The following TNKS variants were observed in gnomAD, a reference collection of about 807,000 sequenced individuals.
The protein encoded by TNKS is poly [ADP-ribose] polymerase tankyrase-1.
Under a neutral mutation model 135.8 loss-of-function variants are expected in TNKS, and 72 were observed. The ratio of observed to expected loss-of-function variants is 0.53; its 90% CI spans 0.44 to 0.64. The LOEUF (loss-of-function observed/expected upper bound fraction) is 0.64, where lower values mean the gene tolerates loss of function less well. TNKS is among the 30% of genes least tolerant of loss of function. TNKS has a pLI of 0.00. For missense variants in TNKS, 1,769 were observed against 1,674.0 expected (o/e 1.06, Z -0.99); for synonymous variants, 849 against 649.3 (o/e 1.31, Z -4.68).
intron 5 of TNKS, among the ~76,000 whole-genome samples, chr8:9,700,553 A>T (rs1227636162): frequency 6.6e-6 from 1 of 152,050 alleles, no homozygotes; most frequent in Non-Finnish European, 1.5e-5. Context: ...CTTTAAATTC[A>T]GTAAACCCAG....
chr8:9,610,374 TATA>T (rs1388611379), intron 2 of TNKS, among the ~76,000 whole-genome samples: 1 of 151,562 alleles, frequency 6.6e-6, no homozygotes, highest in African/African-American at 2.4e-5. Flanking sequence ...TACTGTATAA[TATA>T]ATGGCATAGT....
chr8:9,614,669 C>A (rs770746915), intron 2 of TNKS, among the ~76,000 whole-genome samples: 6 of 152,136 alleles, frequency 3.9e-5, no homozygotes, highest in Non-Finnish European at 8.8e-5. Context: ...TCATAACTTA[C>A]AATTGAATTT....
intron 25 of TNKS, among the ~76,000 whole-genome samples, chr8:9,766,875 C>T (rs1008686044): frequency 6.6e-6 from 1 of 152,140 alleles, no homozygotes; most frequent in Non-Finnish European, 1.5e-5. Flanking sequence ...TGGGTGGGAA[C>T]AGCTGATCAG....
intron 1 of TNKS, among the ~76,000 whole-genome samples, chr8:9,578,547 T>C (rs967702533): frequency 6.6e-6 from 1 of 152,214 alleles, no homozygotes; most frequent in Non-Finnish European, 1.5e-5. Context: ...TGGAAATGTA[T>C]GCTTTACTTT....
chr8:9,637,076 A>T (rs1401871378), intron 3 of TNKS, among the ~76,000 whole-genome samples: 3 of 152,194 alleles, frequency 2.0e-5, no homozygotes, highest in African/African-American at 7.2e-5. Context: ...ATATGCTCAA[A>T]TTTTTTTGAA....
intron 2 of TNKS, among the ~76,000 whole-genome samples, chr8:9,600,301 A>G (rs1798965187): frequency 6.6e-6 from 1 of 152,112 alleles, no homozygotes; most frequent in South Asian, 2.1e-4. Flanking sequence ...TGAACTTTTA[A>G]GAATTTTAAT....
At position 9,776,720 on chromosome 8, in the gene TNKS, C is replaced by CA; in HGVS notation, c.3969dup (p.Glu1324ArgfsTer11). The CA allele has an allele frequency of 6.2e-7, 1 of 1,613,974 alleles. No individual in the cohort carries two copies. Among genetic ancestry groups the CA allele is most frequent in the Non-Finnish European group, 8.5e-7 (1 of 1,179,904 alleles). ...GCCCCTTCCCAGACCGCAACAGCCG[C>CA]AGAGCAGAAGACCTAGTGAATGCCT... On this transcript the variant is annotated frameshift_variant, in exon 27 of 27. Coordinates refer to ENST00000310430, the MANE Select transcript of TNKS (RefSeq NM_003747.3). LOFTEE classifies it high-confidence loss of function.
At chr8:9,596,795 G>C (rs1269668111) in intron 2 of TNKS, among the ~76,000 whole-genome samples, 1 of 152,220 alleles carries the variant, frequency 6.6e-6, no homozygotes, top group Non-Finnish European at 1.5e-5. Context: ...GCCTGTTTAT[G>C]ACACAGGTTT....
chr8:9,556,708 G>C, intron 1 of TNKS, 96 bp downstream of exon 1: 1 of 1,440,066 alleles, frequency 6.9e-7, no homozygotes, highest in Non-Finnish European at 9.6e-7. Flanking sequence ...GACAAAGTGG[G>C]GGCGTGGTTA....
intron 2 of TNKS, among the ~76,000 whole-genome samples, chr8:9,600,266 G>T (rs1476115922): frequency 6.6e-6 from 1 of 152,160 alleles, no homozygotes; most frequent in African/African-American, 2.4e-5. Flanking sequence ...TGCCATGGCA[G>T]ACTTTGTAGT....
At position 9,757,905 on chromosome 8, in the gene TNKS, A is replaced by G. The variant is rs112351804; in HGVS notation, c.3154-3611A>G. Among the ~76,000 whole-genome samples, 1,017 of 152,312 alleles carry G rather than the reference A, an allele frequency of 6.7e-3. 2 individuals are homozygous for G. The highest frequency in any genetic ancestry group is 9.6e-3 in the Non-Finnish European group (650 of 68,022). On this transcript the variant is annotated intron_variant, in intron 20 of 26. Transcript: ENST00000310430. ...ATAAATCTGAATTTCTTAGCTTTTC[A>G]TTGAAGGTTTTTCAGTGGCCACTGC...
intron 2 of TNKS, among the ~76,000 whole-genome samples, chr8:9,594,170 A>G (rs984629621): frequency 6.6e-6 from 1 of 152,202 alleles, no homozygotes; most frequent in African/African-American, 2.4e-5. Flanking sequence ...TACAGGCATG[A>G]GCCACTGCGC....
chr8:9,767,417 C>G (rs1336396796), intron 25 of TNKS, among the ~76,000 whole-genome samples: 1 of 152,122 alleles, frequency 6.6e-6, no homozygotes, highest in Non-Finnish European at 1.5e-5. Context: ...CAAATGCATT[C>G]TTTTTAACAA....
intron 2 of TNKS, 110 bp from the exon 3 acceptor site, chr8:9,615,472 A>G (rs979539253): frequency 7.8e-6 from 6 of 772,430 alleles, no homozygotes; most frequent in Non-Finnish European, 5.7e-6. Context: ...TTGAAAGAGA[A>G]AAAATTTGTG....
intron 15 of TNKS, 117 bp downstream of exon 15, chr8:9,733,561 C>A: frequency 1.2e-6 from 1 of 811,974 alleles, no homozygotes; most frequent in Non-Finnish European, 1.9e-6. Flanking sequence ...AGAGACTGCT[C>A]TCATTTTCTA....
At chr8:9,685,132 C>T (rs1429693282) in intron 5 of TNKS, among the ~76,000 whole-genome samples, 3 of 152,012 alleles carry the variant, frequency 2.0e-5, no homozygotes, top group African/African-American at 7.2e-5. Flanking sequence ...ATGAAGATGA[C>T]TGGAAACAGA....
In TNKS at chr8:9,771,689, GA is replaced by G. The variant is rs1327702816; in HGVS notation, c.3897+1428del. Among the ~76,000 whole-genome samples the G allele has an allele frequency of 6.1e-3, 790 of 130,350 alleles. 18 individuals are homozygous for G. The highest frequency in any genetic ancestry group is 0.023 in the African/African-American group (741 of 32,884). The allele number at this position is 130,350 out of a possible 152,430, so 85.5% of individuals were successfully genotyped here. The stretch of plus-strand genomic sequence containing the variant: ...AGGCAGGAAGGGAGGGAGAGAGAGA[GA>G]GAGAGAGAGGAAGGGAGAAAGCGAG... On this transcript the variant is annotated intron_variant, in intron 26 of 26. Coordinates refer to ENST00000310430, the MANE Select transcript of TNKS (RefSeq NM_003747.3).
rs528978577 is a variant in TNKS, at chr8:9,635,026, C to T, written c.994+19349C>T. 2.6e-5 allele frequency among the ~76,000 whole-genome samples: 4 copies of T among 152,212 alleles called. No homozygotes were observed. In the East Asian group the frequency reaches 7.7e-4, roughly 29 times the overall value. On this transcript the variant is annotated intron_variant, in intron 3 of 26. Coordinates refer to ENST00000310430, the MANE Select transcript of TNKS (RefSeq NM_003747.3). Reference sequence around the variant, plus strand: ...TAAAAATACAAAAAAAAATATTAGCCGGGCGCGGTGGCAGGCGCCTGTAGG... The same window carrying T: ...TAAAAATACAAAAAAAAATATTAGCTGGGCGCGGTGGCAGGCGCCTGTAGG...
intron 17 of TNKS, among the ~76,000 whole-genome samples, chr8:9,742,726 A>T (rs1806032393): frequency 6.7e-6 from 1 of 148,618 alleles, no homozygotes; most frequent in Non-Finnish European, 1.5e-5. Context: ...TTTAATAAAT[A>T]TTTATTTAAA....
Sources: gnomAD v4.1 joint callset for allele counts (sites outside exome capture counted in the v4.1 genomes callset) on GRCh38, gnomAD v4.1.1 for gene constraint, MANE v1.5 for transcripts, NCBI Gene and HGNC (gene_info 2026-07-23, HGNC 2026-07-21) for gene names.